NEK7: variants seen among roughly 807,000 people sequenced by gnomAD.
NEK7 encodes the protein NIMA related kinase 7, also known as serine/threonine-protein kinase Nek7.
In NEK7, 18 loss-of-function variants were observed where a neutral mutation model predicts 44.6. The ratio of observed to expected loss-of-function variants is 0.40; its 90% confidence interval spans 0.28 to 0.60. NEK7 has a LOEUF of 0.60. Ranked by LOEUF, NEK7 falls within the 20% of genes least tolerant of loss-of-function variation. The probability of loss-of-function intolerance (pLI) is 0.38; values close to 1 mark genes in which losing one functional copy is unlikely to be tolerated. For synonymous variants in NEK7, 130 were observed against 121.1 expected, an observed-to-expected ratio of 1.07 and a Z score of -0.48; for missense variants, 256 against 366.5, an observed-to-expected ratio of 0.70 and a Z score of 2.46.
chr1:198,256,833 C>T (rs181313178), intron 3 of NEK7, among the ~76,000 whole-genome samples: 35 of 152,244 alleles, frequency 2.3e-4, no homozygotes, highest in African/African-American at 7.9e-4. Flanking sequence ...TCAAAACTTA[C>T]GTTCTTTATG....
At chr1:198,314,722 G>GA (rs1655298266) in intron 9 of NEK7, among the ~76,000 whole-genome samples, 1 of 152,148 alleles carries the variant, frequency 6.6e-6, no homozygotes, top group Non-Finnish European at 1.5e-5. Context: ...CCTGCAGGGG[G>GA]GTGCCTCCCA....
intron 1 of NEK7, among the ~76,000 whole-genome samples, chr1:198,224,939 G>A (rs1486130119): frequency 6.6e-6 from 1 of 152,124 alleles, no homozygotes; most frequent in Non-Finnish European, 1.5e-5. Context: ...TTATTCTGGT[G>A]GAAACACCAA....
intron 1 of NEK7, among the ~76,000 whole-genome samples, chr1:198,179,622 C>T (rs1242186244): frequency 2.0e-5 from 3 of 152,134 alleles, no homozygotes; most frequent in African/African-American, 4.8e-5. Flanking sequence ...GGGACAGACT[C>T]TCCAGGATGT....
chr1:198,215,840 A>T (rs1430961104), intron 1 of NEK7, among the ~76,000 whole-genome samples: 1 of 152,108 alleles, frequency 6.6e-6, no homozygotes, highest in Non-Finnish European at 1.5e-5. Flanking sequence ...GACAGAAGGG[A>T]TCAATTCAAC....
Position 198,321,128 on chromosome 1 carries a change from A to G in NEK7, c.*1606A>G, listed in dbSNP as rs927659099. On this transcript the variant is annotated 3_prime_UTR_variant, in exon 10 of 10. Coordinates refer to ENST00000367385, the MANE Select transcript of NEK7 (RefSeq NM_133494.3). ...TGTAACTGCTGGTTTTGTTTTTCATATGTGTTTTTCTTACACTCATTTGAA... is the reference window on the plus strand; with the variant it reads ...TGTAACTGCTGGTTTTGTTTTTCATGTGTGTTTTTCTTACACTCATTTGAA... The G allele has an allele frequency of 2.0e-5, 3 of 152,150 alleles. No homozygotes were observed. The highest frequency in any genetic ancestry group is 2.9e-5 in the Non-Finnish European group (2 of 68,016). The allele number at this position is 152,150 out of a possible 1,614,324, so 9.4% of individuals were successfully genotyped here. A position where few individuals can be genotyped will look rare whatever the true frequency, so the allele number is the denominator to read the frequency against.
At chr1:198,247,525 C>A (rs1483997339) in intron 2 of NEK7, among the ~76,000 whole-genome samples, 1 of 152,106 alleles carries the variant, frequency 6.6e-6, no homozygotes, top group Non-Finnish European at 1.5e-5. Context: ...GAAAATGGGA[C>A]CTTCTATCAT....
chr1:198,226,901 G>T (rs1666244213), intron 1 of NEK7, among the ~76,000 whole-genome samples: 1 of 151,626 alleles, frequency 6.6e-6, no homozygotes, highest in South Asian at 2.1e-4. Flanking sequence ...AAGTTTTAGG[G>T]TACATATACA....
intron 9 of NEK7, among the ~76,000 whole-genome samples, chr1:198,318,968 A>G (rs1655458914): frequency 6.6e-6 from 1 of 152,106 alleles, no homozygotes; most frequent in South Asian, 2.1e-4. Flanking sequence ...TTTGTACAAA[A>G]TGGTTCATTA....
chr1:198,298,061 C>T (rs572832702), intron 9 of NEK7, among the ~76,000 whole-genome samples: 1 of 152,198 alleles, frequency 6.6e-6, no homozygotes, highest in African/African-American at 2.4e-5. Context: ...TATCTCAGGT[C>T]AACTAAAATG....
intron 1 of NEK7, among the ~76,000 whole-genome samples, chr1:198,171,899 C>T (rs1289850053): frequency 2.0e-5 from 3 of 152,156 alleles, no homozygotes; most frequent in Non-Finnish European, 4.4e-5. Flanking sequence ...TGACAGCTTG[C>T]TTGGATAATC....
intron 1 of NEK7, among the ~76,000 whole-genome samples, chr1:198,204,142 C>T (rs1288639710): frequency 6.6e-6 from 1 of 152,102 alleles, no homozygotes; most frequent in Non-Finnish European, 1.5e-5. Context: ...TGCCTGTGAG[C>T]CCAGCTACCC....
Position 198,322,251 on chromosome 1 carries a change from C to G in NEK7, c.*2729C>G, listed in dbSNP as rs1173554902. Reference sequence around the variant, plus strand: ...TTTTTAACCCACAAATGCATACTTACCCTGTGCCTCATATTTCAATAGTAC... The same window carrying G: ...TTTTTAACCCACAAATGCATACTTAGCCTGTGCCTCATATTTCAATAGTAC... On this transcript the variant is annotated 3_prime_UTR_variant, in exon 10 of 10. Transcript: ENST00000367385. 1 of 152,148 alleles carries G rather than the reference C, an allele frequency of 6.6e-6. No individual in the cohort carries two copies. The highest frequency in any genetic ancestry group is 2.4e-5 in the African/African-American group (1 of 41,432). 9.4% of individuals were successfully genotyped at this position (152,148 alleles called of 1,614,324 possible). A position where few individuals can be genotyped will look rare whatever the true frequency, so the allele number is the denominator to read the frequency against.
intron 9 of NEK7, among the ~76,000 whole-genome samples, chr1:198,315,390 C>T (rs567307833): frequency 6.6e-6 from 1 of 152,200 alleles, no homozygotes; most frequent in Non-Finnish European, 1.5e-5. Context: ...AGAAATCACC[C>T]GTCTTCTGCG....
chr1:198,186,508 A>G (rs939318861), intron 1 of NEK7, among the ~76,000 whole-genome samples: 1 of 152,198 alleles, frequency 6.6e-6, no homozygotes, highest in African/African-American at 2.4e-5. Flanking sequence ...TTGCCTACAT[A>G]ACTAGCTACA....
intron 3 of NEK7, among the ~76,000 whole-genome samples, chr1:198,254,703 C>T (rs2102930271): frequency 6.6e-6 from 1 of 152,280 alleles, no homozygotes; most frequent in Non-Finnish European, 1.5e-5. Context: ...GAAATGACTG[C>T]ATCCCACAGG....
intron 3 of NEK7, among the ~76,000 whole-genome samples, chr1:198,260,012 A>C (rs1436635468): frequency 6.6e-6 from 1 of 152,188 alleles, no homozygotes; most frequent in Non-Finnish European, 1.5e-5. Context: ...TGTGCATCTT[A>C]AAGGACTGCA....
chr1:198,212,674 G>T (rs1665809763), intron 1 of NEK7, among the ~76,000 whole-genome samples: 2 of 152,134 alleles, frequency 1.3e-5, no homozygotes, highest in Admixed American at 6.5e-5. Context: ...AATGGACAGG[G>T]ACATTTGGGA....
chr1:198,217,094 C>T (rs1665943505), intron 1 of NEK7, among the ~76,000 whole-genome samples: 1 of 152,036 alleles, frequency 6.6e-6, no homozygotes, highest in Non-Finnish European at 1.5e-5. Context: ...TCCTCCTGAA[C>T]TCATTTTATG....
chr1:198,183,578 TTAA>T (rs1397500756), intron 1 of NEK7, among the ~76,000 whole-genome samples: 1 of 152,192 alleles, frequency 6.6e-6, no homozygotes, highest in East Asian at 1.9e-4. Flanking sequence ...AACATTTTAG[TTAA>T]TAATGTCCTA....
Sources: allele counts gnomAD v4.1 joint callset (sites outside exome capture counted in the v4.1 genomes callset), GRCh38; gene constraint gnomAD v4.1.1; transcripts MANE v1.5; gene names NCBI Gene and HGNC (gene_info 2026-07-23, HGNC 2026-07-21).